The following PCSK5 variants were observed in gnomAD, a reference collection of about 807,000 sequenced individuals.
PCSK5 encodes proprotein convertase subtilisin/kexin type 5.
PCSK5 carries 129 observed loss-of-function variants against 233.2 expected under a neutral mutation model. The observed-to-expected ratio is 0.55, with a 90% CI of 0.48 to 0.64. PCSK5 has a LOEUF of 0.64. Ranked by LOEUF, PCSK5 falls within the 30% of genes least tolerant of loss-of-function variation. The pLI, the probability that PCSK5 is intolerant of heterozygous loss-of-function variation, is 0.00. For synonymous variants in PCSK5, 825 were observed against 879.2 expected (o/e 0.94, Z 1.09); for missense variants, 2,076 against 2,430.1 (o/e 0.85, Z 3.06).
chr9:76,170,002 C>T (rs1420818587), intron 13 of PCSK5, among the ~76,000 whole-genome samples, 162 bp downstream of exon 13: 2 of 152,130 alleles, frequency 1.3e-5, no homozygotes, highest in African/African-American at 4.8e-5. Flanking sequence ...TCAAGATTAC[C>T]ATTTGAGAGA....
chr9:75,937,327 T>TC (rs1164969292), intron 2 of PCSK5, among the ~76,000 whole-genome samples: 1 of 152,052 alleles, frequency 6.6e-6, no homozygotes, highest in African/African-American at 2.4e-5. Context: ...TACAGGCATC[T>TC]GCCACTATGC....
rs577625288 is a variant in PCSK5, at chr9:76,201,683, T to C, written c.2626+11937T>C. 2.0e-5 allele frequency among the ~76,000 whole-genome samples: 3 copies of C among 152,256 alleles called. No homozygotes were observed. The East Asian group carries it at 5.8e-4, about 29-fold the overall frequency. On this transcript the variant is annotated intron_variant, in intron 20 of 37. Transcript: ENST00000674117. ...GTGTGAACAAGGCAGGAGTCAATATTTGATCATTAAAGTTAGTAACAACCA... is the reference window on the plus strand; with the variant it reads ...GTGTGAACAAGGCAGGAGTCAATATCTGATCATTAAAGTTAGTAACAACCA...
chr9:75,919,037 G>A (rs1026602125), intron 1 of PCSK5, among the ~76,000 whole-genome samples: 16 of 152,150 alleles, frequency 1.1e-4, no homozygotes, highest in Admixed American at 7.2e-4. Flanking sequence ...TGACAAATGC[G>A]TATGGTTGTG....
chr9:76,185,317 A>G (rs1338706598), intron 17 of PCSK5, among the ~76,000 whole-genome samples: 4 of 152,222 alleles, frequency 2.6e-5, no homozygotes, highest in Admixed American at 6.5e-5. Flanking sequence ...TCTCTAAGAG[A>G]ACAATGTACA....
intron 24 of PCSK5, among the ~76,000 whole-genome samples, chr9:76,279,354 A>G (rs1827794361): frequency 6.7e-6 from 1 of 149,202 alleles, no homozygotes; most frequent in Non-Finnish European, 1.5e-5. Flanking sequence ...GCTATTGTGA[A>G]TAATGCCGCA....
intron 2 of PCSK5, among the ~76,000 whole-genome samples, chr9:75,959,526 T>C (rs572081060): frequency 6.6e-6 from 1 of 152,326 alleles, no homozygotes; most frequent in South Asian, 2.1e-4. Context: ...TGAGCCACTA[T>C]GAGCTGCTCA....
chr9:76,080,019 A>G (rs772504545), intron 7 of PCSK5, among the ~76,000 whole-genome samples: 21 of 152,170 alleles, frequency 1.4e-4, no homozygotes, highest in Non-Finnish European at 2.6e-4. Context: ...ATCATGGTAT[A>G]TTAGCTTTGA....
rs138213485 is a variant in PCSK5, at chr9:76,102,657, C to T, written c.1108-4594C>T. On this transcript the variant is annotated intron_variant, in intron 8 of 37. Transcript: ENST00000674117. ...TCCCAACTATTTTGGGTAAGGGATA[C>T]GCAACCTGTAGTACTTGTGAGAGTA... 9.9e-5 allele frequency among the ~76,000 whole-genome samples: 15 copies of T among 152,226 alleles called. No individual in the cohort carries two copies. In the East Asian group the frequency reaches 1.7e-3, roughly 18 times the overall value.
At chr9:75,890,055 C>T (rs1165141447), upstream of PCSK5, among the ~76,000 whole-genome samples, 1 of 152,186 alleles carries the variant, frequency 6.6e-6, no homozygotes, top group Non-Finnish European at 1.5e-5. Context: ...TTCCTCACTT[C>T]CAAGGCCGGA....
chr9:76,005,727 G>A (rs984596039), intron 3 of PCSK5, among the ~76,000 whole-genome samples: 3 of 152,180 alleles, frequency 2.0e-5, no homozygotes, highest in African/African-American at 7.2e-5. Context: ...AAAGGTAGAA[G>A]GGAATATAGC....
chr9:76,335,842 T>C (rs542656903), intron 34 of PCSK5, among the ~76,000 whole-genome samples: 1 of 152,326 alleles, frequency 6.6e-6, no homozygotes, highest in East Asian at 1.9e-4. Context: ...ATGATTTGAT[T>C]CTACAACAAT....
intron 12 of PCSK5, among the ~76,000 whole-genome samples, chr9:76,160,037 G>T (rs1822784940): frequency 6.6e-6 from 1 of 151,994 alleles, no homozygotes; most frequent in Non-Finnish European, 1.5e-5. Context: ...TGACCAGGAT[G>T]GTCTCGATCT....
intron 2 of PCSK5, among the ~76,000 whole-genome samples, chr9:75,937,747 A>T (rs1238411129): frequency 6.6e-6 from 1 of 152,204 alleles, no homozygotes; most frequent in Non-Finnish European, 1.5e-5. Flanking sequence ...GATCTTCTGT[A>T]TCACTTGCTG....
At chr9:76,303,550 T>C (rs1399400631) in intron 28 of PCSK5, among the ~76,000 whole-genome samples, 1 of 152,204 alleles carries the variant, frequency 6.6e-6, no homozygotes, top group Non-Finnish European at 1.5e-5. Flanking sequence ...AGCCTGGACA[T>C]AGAACATTGA....
At chr9:76,283,873 A>T (rs1356934009) in intron 24 of PCSK5, among the ~76,000 whole-genome samples, 1 of 152,238 alleles carries the variant, frequency 6.6e-6, no homozygotes, top group African/African-American at 2.4e-5. Flanking sequence ...TGCTAGGTAA[A>T]CAAGTTAATT....
chr9:76,123,979 G>A (rs934596941), intron 9 of PCSK5, among the ~76,000 whole-genome samples: 3 of 151,902 alleles, frequency 2.0e-5, no homozygotes, highest in Non-Finnish European at 4.4e-5. Context: ...TAATGAAAAC[G>A]TATATATTTT....
chr9:76,295,698 G>C lies in PCSK5; in HGVS notation c.3322+287G>C, dbSNP rs543158293. Among the ~76,000 whole-genome samples, 5 of 152,308 alleles carry C rather than the reference G, an allele frequency of 3.3e-5. No homozygotes were observed. In the South Asian group the frequency reaches 6.2e-4, roughly 19 times the overall value. On this transcript the variant is annotated intron_variant, in intron 26 of 37. Coordinates refer to ENST00000674117, the MANE Select transcript of PCSK5 (RefSeq NM_001372043.1). Reference sequence around the variant, plus strand: ...AGATAGAGAGTGGGGACCTGAAGATGAATGTTTTGGCATTGAAGTCACCTG... The same window carrying C: ...AGATAGAGAGTGGGGACCTGAAGATCAATGTTTTGGCATTGAAGTCACCTG...
Position 76,153,545 on chromosome 9 carries a change from G to C in PCSK5, c.1313-3500G>C, listed in dbSNP as rs563716280. Among the ~76,000 whole-genome samples, 18 of 152,276 alleles carry C rather than the reference G, an allele frequency of 1.2e-4. 2 individuals are homozygous for C. The highest frequency in any genetic ancestry group is 4.3e-4 in the African/African-American group (18 of 41,568). On this transcript the variant is annotated intron_variant, in intron 10 of 37. Coordinates refer to ENST00000674117, the MANE Select transcript of PCSK5 (RefSeq NM_001372043.1). ...AGGCTCAGCTTTTGCTCTGAACTGG[G>C]TGTGAGAAATGTGCATAAATAAGAT...
At chr9:75,940,976 C>T (rs1252177265) in intron 2 of PCSK5, among the ~76,000 whole-genome samples, 1 of 152,164 alleles carries the variant, frequency 6.6e-6, no homozygotes, top group Non-Finnish European at 1.5e-5. Context: ...ACATGGCTTA[C>T]ATTTCTGCCA....
Sources: allele counts gnomAD v4.1 joint callset (sites outside exome capture counted in the v4.1 genomes callset), GRCh38; gene constraint gnomAD v4.1.1; transcripts MANE v1.5; gene names NCBI Gene and HGNC (gene_info 2026-07-23, HGNC 2026-07-21).